The following UGGT2 variants were observed in gnomAD, a reference collection of about 807,000 sequenced individuals.
UGGT2 encodes the protein UDP-glucose:glycoprotein glucosyltransferase 2.
In UGGT2, 180 loss-of-function variants were observed where a neutral mutation model predicts 192.1. That is an observed-to-expected ratio of 0.94 (90% CI 0.83 to 1.06). The LOEUF (loss-of-function observed/expected upper bound fraction) is 1.06, where lower values mean the gene tolerates loss of function less well. Among genes scored for constraint, UGGT2 ranks in the 50% least tolerant of loss-of-function variants. The pLI is 0.00. For synonymous variants in UGGT2, 580 were observed against 591.0 expected (o/e 0.98, Z 0.27); for missense variants, 1,849 against 1,795.7 (o/e 1.03, Z -0.54).
chr13:95,877,471 A>G (rs4773930), intron 28 of UGGT2, 107 bp from the exon 29 acceptor site: 407,352 of 1,007,476 alleles, frequency 0.4, 84,973 homozygotes, highest in Admixed American at 0.47. Flanking sequence ...CTGTAGAATG[A>G]ATAAATTCTA....
intron 7 of UGGT2, 36 bp downstream of exon 7, chr13:95,996,027 T>C: frequency 6.4e-7 from 1 of 1,570,092 alleles, no homozygotes; most frequent in South Asian, 1.1e-5. Context: ...AACCAATGGG[T>C]ATAATAATAC....
intron 12 of UGGT2, among the ~76,000 whole-genome samples, chr13:95,960,591 C>T (rs1397841551): frequency 6.6e-6 from 1 of 151,900 alleles, no homozygotes; most frequent in African/African-American, 2.4e-5. Context: ...TTTGCTGTCC[C>T]AGAAGATTAA....
At chr13:95,924,392 GCT>G (rs2048947376) in intron 20 of UGGT2, among the ~76,000 whole-genome samples, 1 of 43,454 alleles carries the variant, frequency 2.3e-5, no homozygotes, top group Admixed American at 2.8e-4. Flanking sequence ...ATCCCAAACA[GCT>G]TTTTTTTTTT....
In UGGT2 at chr13:95,853,589, T is replaced by C. The variant is rs772639699; in HGVS notation, c.4238A>G (p.Tyr1413Cys). The C allele has an allele frequency of 2.5e-6, 4 of 1,610,944 alleles. No homozygotes were observed. In the African/African-American group the frequency reaches 4.0e-5, roughly 16 times the overall value. Residue 1413 changes from tyrosine (Y) to cysteine (C), a missense_variant, in exon 36 of 39, where the codon TAT becomes TGT. By Grantham distance (194) the Tyr-to-Cys change is radical. Transcript: ENST00000376747. ...GTTTGGATCTTGACTGAGAGCTTGA[T>C]ACTGGCTCCTGAGCCTGTCACCTGC... ...IGAGDRLRSQ[Y>C]QALSQDPNSL...
chr13:95,803,131 G>A (rs1166720629), intron 38 of UGGT2, among the ~76,000 whole-genome samples: 2 of 152,176 alleles, frequency 1.3e-5, no homozygotes, highest in African/African-American at 4.8e-5. Context: ...ACTGTGCCCA[G>A]CCGATAGCCT....
chr13:95,888,315 A>C (rs1052188641), intron 25 of UGGT2, among the ~76,000 whole-genome samples: 2 of 152,222 alleles, frequency 1.3e-5, no homozygotes, highest in Non-Finnish European at 2.9e-5. Context: ...ATCTGCAAAT[A>C]CAAAGTGGTG....
At chr13:95,861,509 C>G (rs1890165351) in intron 31 of UGGT2, among the ~76,000 whole-genome samples, 1 of 152,034 alleles carries the variant, frequency 6.6e-6, no homozygotes, top group Non-Finnish European at 1.5e-5. Context: ...GCCCAGCTGT[C>G]ATTTTCATTA....
At chr13:95,995,938 A>G (rs72636591) in intron 7 of UGGT2, 125 bp downstream of exon 7, 5 of 775,566 alleles carry the variant, frequency 6.4e-6, no homozygotes, top group Non-Finnish European at 8.7e-6. Flanking sequence ...AAACAATCGT[A>G]TGTGTGTGTG....
At chr13:95,948,879 C>A (rs537839226) in intron 13 of UGGT2, among the ~76,000 whole-genome samples, 4 of 152,184 alleles carry the variant, frequency 2.6e-5, no homozygotes, top group East Asian at 1.9e-4. Flanking sequence ...TAGGAGGGAC[C>A]CAGTAGGAGG....
intron 24 of UGGT2, among the ~76,000 whole-genome samples, chr13:95,892,173 C>T (rs1418671951): frequency 6.6e-6 from 1 of 152,084 alleles, no homozygotes; most frequent in East Asian, 1.9e-4. Flanking sequence ...TTTCAGCATG[C>T]ACCTGTTTAC....
chr13:95,850,699 A>C (rs1191256097), intron 36 of UGGT2, among the ~76,000 whole-genome samples: 1 of 152,228 alleles, frequency 6.6e-6, no homozygotes, highest in Non-Finnish European at 1.5e-5. Flanking sequence ...TATACTTTGC[A>C]AAGACCAATC....
chr13:95,818,311 C>A (rs982342014), intron 38 of UGGT2, among the ~76,000 whole-genome samples: 2 of 152,002 alleles, frequency 1.3e-5, no homozygotes, highest in African/African-American at 4.8e-5. Flanking sequence ...GACCCTGTCT[C>A]AAAAAAGAAA....
At chr13:96,044,376 T>C (rs2053247692) in intron 1 of UGGT2, among the ~76,000 whole-genome samples, 1 of 152,160 alleles carries the variant, frequency 6.6e-6, no homozygotes, top group Non-Finnish European at 1.5e-5. Flanking sequence ...AAGAGGAAAG[T>C]TCATAGCCCT....
Position 95,937,021 on chromosome 13 carries a change from G to T in UGGT2, c.1880C>A (p.Pro627His). The T allele has an allele frequency of 6.2e-7, 1 of 1,606,570 alleles. No individual in the cohort carries two copies. Among genetic ancestry groups the T allele is most frequent in the Non-Finnish European group, 8.5e-7 (1 of 1,178,428 alleles). Residue 627 changes from proline (P) to histidine (H), a missense_variant, in exon 17 of 39, where the codon CCC (proline) becomes CAC (histidine). Coordinates refer to ENST00000376747, the MANE Select transcript of UGGT2 (RefSeq NM_020121.4). ...PLPQALYNGE[P>H]FKHEEMNIKE... is the part of the protein sequence containing the mutation. Reference sequence around the variant, plus strand: ...AATATTCATCTCTTCATGTTTAAAGGGTTCACCATTATAAAGAGCTTGAGG... The same window carrying T: ...AATATTCATCTCTTCATGTTTAAAGTGTTCACCATTATAAAGAGCTTGAGG...
At chr13:95,969,782 A>T (rs2050709751) in intron 12 of UGGT2, among the ~76,000 whole-genome samples, 1 of 152,236 alleles carries the variant, frequency 6.6e-6, no homozygotes, top group Non-Finnish European at 1.5e-5. Context: ...TCATCATGTT[A>T]AGGTAGCACT....
intron 20 of UGGT2, among the ~76,000 whole-genome samples, chr13:95,923,540 G>C (rs1227623662): frequency 6.6e-6 from 1 of 151,896 alleles, no homozygotes; most frequent in Non-Finnish European, 1.5e-5. Context: ...AGCAAATTTT[G>C]TATTTTTAGT....
At chr13:95,906,869 G>A (rs1177719642) in intron 20 of UGGT2, among the ~76,000 whole-genome samples, 1 of 152,192 alleles carries the variant, frequency 6.6e-6, no homozygotes, top group Non-Finnish European at 1.5e-5. Context: ...GACCGATGCA[G>A]CAGATGGGTG....
At chr13:95,925,860 A>T (rs2048999999) in intron 19 of UGGT2, 86 bp from the exon 20 acceptor site, 2 of 767,384 alleles carry the variant, frequency 2.6e-6, no homozygotes, top group Non-Finnish European at 3.8e-6. Context: ...TTAACACATT[A>T]AAAAAAATTA....
intron 17 of UGGT2, 26 bp downstream of exon 17, chr13:95,936,898 G>A (rs765256827): frequency 6.8e-7 from 1 of 1,462,952 alleles, no homozygotes; most frequent in East Asian, 2.5e-5. Context: ...TATTCATCAT[G>A]TATTTTCTTA....
Sources: gnomAD v4.1 joint callset for allele counts (sites outside exome capture counted in the v4.1 genomes callset) on GRCh38, gnomAD v4.1.1 for gene constraint, MANE v1.5 for transcripts, NCBI Gene and HGNC (gene_info 2026-07-23, HGNC 2026-07-21) for gene names.